The following GCSAML variants were observed in gnomAD, a reference collection of about 807,000 sequenced individuals.
GCSAML encodes the protein germinal center associated signaling and motility like.
A neutral mutation model predicts 13.0 loss-of-function variants in GCSAML; 9 were observed. The ratio of observed to expected loss-of-function variants is 0.69; its 90% CI spans 0.42 to 1.21. The LOEUF (loss-of-function observed/expected upper bound fraction) is 1.21. GCSAML is among the 50% of genes most tolerant of loss of function. The pLI is 0.00. For synonymous variants in GCSAML, 37 were observed against 52.9 expected, an observed-to-expected ratio of 0.70 and a Z score of 1.31; for missense variants, 143 against 153.4, an observed-to-expected ratio of 0.93 and a Z score of 0.36.
intron 2 of GCSAML, among the ~76,000 whole-genome samples, chr1:247,540,540 G>C (rs1667377222): frequency 1.3e-5 from 2 of 152,234 alleles, no homozygotes; most frequent in Admixed American, 6.5e-5. Context: ...TGTCAGAATA[G>C]AAGCTCATGA....
chr1:247,550,409 G>A (rs1181459184), intron 1 of GCSAML, among the ~76,000 whole-genome samples: 2 of 152,070 alleles, frequency 1.3e-5, no homozygotes, highest in African/African-American at 2.4e-5. Flanking sequence ...AGGCCGAGGC[G>A]GGTGGATCAC....
At chr1:247,544,774 G>A (rs567596317), upstream of GCSAML, among the ~76,000 whole-genome samples, 2 of 152,298 alleles carry the variant, frequency 1.3e-5, no homozygotes, top group Admixed American at 1.3e-4. Context: ...AGAATCACTT[G>A]AGCCTGGGAG....
chr1:247,563,167 A>G (rs954898221), intron 2 of GCSAML, among the ~76,000 whole-genome samples: 10 of 151,970 alleles, frequency 6.6e-5, no homozygotes, highest in African/African-American at 2.4e-4. Context: ...ATTAATGTCT[A>G]TTACTGTAAG....
chr1:247,535,083 G>C (rs145003636), intron 2 of GCSAML, among the ~76,000 whole-genome samples: 4 of 152,218 alleles, frequency 2.6e-5, no homozygotes, highest in South Asian at 2.1e-4. Flanking sequence ...AGGCTGAAGT[G>C]GGGGGAATCA....
At chr1:247,572,898 G>A (rs1668675955) in intron 4 of GCSAML, among the ~76,000 whole-genome samples, 1 of 152,200 alleles carries the variant, frequency 6.6e-6, no homozygotes, top group African/African-American at 2.4e-5. Flanking sequence ...GAGGCAGTCT[G>A]GCCACAGTGG....
At chr1:247,542,065 C>G (rs1282426425) in intron 2 of GCSAML, among the ~76,000 whole-genome samples, 1 of 149,946 alleles carries the variant, frequency 6.7e-6, no homozygotes, top group Non-Finnish European at 1.5e-5. Flanking sequence ...AAACTAATAA[C>G]TAATAAATAT....
At chr1:247,509,948 T>C (rs530545441) in intron 1 of GCSAML, among the ~76,000 whole-genome samples, 24 of 152,358 alleles carry the variant, frequency 1.6e-4, no homozygotes, top group Non-Finnish European at 2.6e-4. Flanking sequence ...ATCAGGGATA[T>C]TGGCCTGAAA....
chr1:247,539,542 C>T (rs182509818), intron 2 of GCSAML, among the ~76,000 whole-genome samples: 1 of 152,028 alleles, frequency 6.6e-6, no homozygotes, highest in Non-Finnish European at 1.5e-5. Context: ...TATTGCTTAG[C>T]TACGTGACCT....
At chr1:247,549,937 A>G (rs922524539) in intron 1 of GCSAML, among the ~76,000 whole-genome samples, 4 of 152,188 alleles carry the variant, frequency 2.6e-5, no homozygotes, top group African/African-American at 7.2e-5. Context: ...CTTCCAGACA[A>G]TCTTGCATAT....
intron 1 of GCSAML, among the ~76,000 whole-genome samples, chr1:247,511,358 C>A (rs1223933331): frequency 2.6e-5 from 4 of 151,336 alleles, no homozygotes; most frequent in Non-Finnish European, 4.4e-5. Flanking sequence ...TTTTGCTTTC[C>A]ATTTGCTTGG....
chr1:247,517,517 T>C (rs1453235297), intron 1 of GCSAML, among the ~76,000 whole-genome samples: 1 of 152,230 alleles, frequency 6.6e-6, no homozygotes, highest in Non-Finnish European at 1.5e-5. Context: ...AATTGGTTCA[T>C]GGTTAGTAGA....
chr1:247,512,016 G>T (rs1272058236), intron 1 of GCSAML, among the ~76,000 whole-genome samples: 1 of 152,114 alleles, frequency 6.6e-6, no homozygotes, highest in African/African-American at 2.4e-5. Flanking sequence ...GTATCTTAAC[G>T]GTGTTCTCTG....
chr1:247,507,940 G>C lies in GCSAML; in HGVS notation c.-263+707G>C, dbSNP rs565256768. On this transcript the variant is annotated intron_variant, in intron 1 of 5. Transcript: ENST00000366489. The stretch of plus-strand genomic sequence containing the variant: ...TGATGGGCATTTGGGTTGGTTCCAA[G>C]TCTTTGCTATTGTGAACACTGCTGC... 5.3e-5 allele frequency among the ~76,000 whole-genome samples: 8 copies of C among 152,266 alleles called. No homozygotes were observed. The South Asian group carries it at 1.7e-3, about 32-fold the overall frequency.
At chr1:247,554,126 A>G (rs1667876328) in intron 1 of GCSAML, among the ~76,000 whole-genome samples, 1 of 152,162 alleles carries the variant, frequency 6.6e-6, no homozygotes, top group Non-Finnish European at 1.5e-5. Flanking sequence ...TTTCTGGAAC[A>G]TCTTATATAT....
At chr1:247,568,891 C>T (rs997328515) in intron 4 of GCSAML, among the ~76,000 whole-genome samples, 12 of 152,030 alleles carry the variant, frequency 7.9e-5, no homozygotes, top group African/African-American at 2.2e-4. Context: ...AGGTGCTTTA[C>T]GTCCCTTGTA....
At chr1:247,570,657 T>A (rs1286987533) in intron 4 of GCSAML, among the ~76,000 whole-genome samples, 1 of 152,206 alleles carries the variant, frequency 6.6e-6, no homozygotes, top group Non-Finnish European at 1.5e-5. Flanking sequence ...ATAAGTGCTA[T>A]TTCGTGCTGA....
chr1:247,540,466 C>T (rs964620722), intron 2 of GCSAML, among the ~76,000 whole-genome samples: 2 of 152,350 alleles, frequency 1.3e-5, no homozygotes, highest in Middle Eastern at 3.4e-3. Context: ...TATTTCTCTC[C>T]GGAGCACTGT....
At position 247,526,618 on chromosome 1, in the gene GCSAML, G is replaced by GT. The variant is rs1329470473; in HGVS notation, c.-262-321dup. 4.1e-6 allele frequency: 1 copy of GT among 241,420 alleles called. No individual in the cohort carries two copies. Among genetic ancestry groups the GT allele is most frequent in the Non-Finnish European group, 8.2e-6 (1 of 122,180 alleles). 15.0% of individuals were successfully genotyped at this position (241,420 alleles called of 1,614,324 possible). On this transcript the variant is annotated intron_variant, in intron 1 of 5. Transcript: ENST00000366489. This position sits in a 1 kb window ranked among gnomAD's most constrained non-coding sequence, Gnocchi z 4.8. ...TCCACATTTCTCAGCTGTGCATGCT[G>GT]TGGTGATGCATGACCCTCACAGTGT...
At chr1:247,573,351 T>A (rs1668700441) in intron 4 of GCSAML, among the ~76,000 whole-genome samples, 1 of 152,170 alleles carries the variant, frequency 6.6e-6, no homozygotes, top group Non-Finnish European at 1.5e-5. Flanking sequence ...GGTCTGTGGG[T>A]TGCAAAGACC....
Sources: gnomAD v4.1 joint callset for allele counts (sites outside exome capture counted in the v4.1 genomes callset) on GRCh38, gnomAD v4.1.1 for gene constraint, Gnocchi (gnomAD v3.1) non-coding constraint, MANE v1.5 for transcripts, NCBI Gene and HGNC (gene_info 2026-07-23, HGNC 2026-07-21) for gene names.